Variants in NFAT5 observed in about 807,000 individuals in gnomAD.
The protein encoded by NFAT5 is nuclear factor of activated T cells 5.
A neutral mutation model predicts 166.5 loss-of-function variants in NFAT5; 31 were observed. The ratio of observed to expected loss-of-function variants is 0.19; its 90% CI spans 0.14 to 0.25. The LOEUF is 0.25. NFAT5 is among the 10% of genes least tolerant of loss of function. The probability of loss-of-function intolerance (pLI) is 1.00; values close to 1 mark genes in which losing one functional copy is unlikely to be tolerated. For missense variants in NFAT5, 1,449 were observed against 1,821.8 expected, an observed-to-expected ratio of 0.80 and a Z score of 3.72; for synonymous variants, 612 against 639.7, an observed-to-expected ratio of 0.96 and a Z score of 0.65.
intron 2 of NFAT5, among the ~76,000 whole-genome samples, chr16:69,588,501 G>A (rs987029635): frequency 7.2e-6 from 1 of 139,500 alleles, no homozygotes; most frequent in Non-Finnish European, 1.5e-5. Context: ...CTGAGTAATT[G>A]TGTTCTCACC....
At chr16:69,667,332 A>G (rs1468331660) in intron 7 of NFAT5, among the ~76,000 whole-genome samples, 1 of 151,972 alleles carries the variant, frequency 6.6e-6, no homozygotes, top group African/African-American at 2.4e-5. Flanking sequence ...ATAATAATAC[A>G]TTTAAAAAAA....
At chr16:69,585,181 T>TG (rs990341484) in intron 2 of NFAT5, among the ~76,000 whole-genome samples, 4 of 151,544 alleles carry the variant, frequency 2.6e-5, no homozygotes, top group Non-Finnish European at 4.4e-5. Context: ...TTATTTTTTT[T>TG]TGTATTTTTA....
At chr16:69,600,473 A>T (rs1262881020) in intron 2 of NFAT5, among the ~76,000 whole-genome samples, 1 of 152,118 alleles carries the variant, frequency 6.6e-6, no homozygotes. Flanking sequence ...ATATAAGAAT[A>T]GGAATCTTGT....
chr16:69,566,049 C>T lies in NFAT5; in HGVS notation c.-253C>T, dbSNP rs985940180. ...CACGAAACGGACCCTTTGGCTCTCC[C>T]CCTTCCCCTTCCCCGTCCTGAACCC... On this transcript the variant is annotated 5_prime_UTR_variant, in exon 1 of 15. Transcript: ENST00000349945. This position sits in a 1 kb window ranked among gnomAD's most constrained non-coding sequence, Gnocchi z 5.7. 11 of 516,780 alleles carry T rather than the reference C, an allele frequency of 2.1e-5. No individual in the cohort carries two copies. The highest frequency in any genetic ancestry group is 3.4e-5 in the Non-Finnish European group (10 of 294,288). The allele number at this position is 516,780 out of a possible 1,614,324, so 32.0% of individuals were successfully genotyped here. A position where few individuals can be genotyped will look rare whatever the true frequency, so the allele number is the denominator to read the frequency against.
At chr16:69,684,849 GT>G (rs752940723) in intron 10 of NFAT5, 37 bp from the exon 11 acceptor site, 1 of 1,386,564 alleles carries the variant, frequency 7.2e-7, no homozygotes, top group South Asian at 1.3e-5. Context: ...TTTAGGATGA[GT>G]AAATGTAGAT....
At chr16:69,615,706 T>G (rs1389054547) in intron 2 of NFAT5, among the ~76,000 whole-genome samples, 1 of 152,202 alleles carries the variant, frequency 6.6e-6, no homozygotes, top group Non-Finnish European at 1.5e-5. Context: ...ACTCACTGTT[T>G]GACAAACTTG....
At chr16:69,683,000 T>A (rs1391034136) in intron 10 of NFAT5, among the ~76,000 whole-genome samples, 2 of 152,032 alleles carry the variant, frequency 1.3e-5, no homozygotes, top group East Asian at 3.9e-4. Flanking sequence ...TCACCTGAGG[T>A]CAGAAGTTAG....
intron 2 of NFAT5, 69 bp from the exon 3 acceptor site, chr16:69,626,334 T>A (rs1335223729): frequency 7.3e-7 from 1 of 1,373,632 alleles, no homozygotes; most frequent in East Asian, 2.5e-5. Context: ...ATACTCATTT[T>A]GTGCATATTA....
intron 2 of NFAT5, among the ~76,000 whole-genome samples, chr16:69,613,410 G>T (rs1324913409): frequency 6.6e-6 from 1 of 152,120 alleles, no homozygotes; most frequent in Non-Finnish European, 1.5e-5. Context: ...CTCCCTGTGT[G>T]CTGAGGGATA....
intron 2 of NFAT5, among the ~76,000 whole-genome samples, chr16:69,593,329 C>CT (rs963968054): frequency 9.2e-5 from 14 of 151,972 alleles, no homozygotes; most frequent in Non-Finnish European, 1.9e-4. Flanking sequence ...ACAGTTACTT[C>CT]TTTTTTAAAA....
At chr16:69,580,509 C>T (rs1470896255) in intron 2 of NFAT5, among the ~76,000 whole-genome samples, 3 of 144,646 alleles carry the variant, frequency 2.1e-5, no homozygotes, top group South Asian at 4.5e-4. Context: ...CTAGCCTGGG[C>T]GACAAGAGCG....
At chr16:69,652,564 A>G (rs1180169513) in intron 4 of NFAT5, among the ~76,000 whole-genome samples, 1 of 152,174 alleles carries the variant, frequency 6.6e-6, no homozygotes, top group Non-Finnish European at 1.5e-5. Flanking sequence ...AATCTGAAAA[A>G]TCACACTCCT....
At chr16:69,667,887 T>C (rs1488442611) in intron 7 of NFAT5, among the ~76,000 whole-genome samples, 1 of 152,236 alleles carries the variant, frequency 6.6e-6, no homozygotes, top group African/African-American at 2.4e-5. Context: ...TGTCAGTGTA[T>C]GACCAATAAC....
intron 7 of NFAT5, among the ~76,000 whole-genome samples, chr16:69,669,008 T>C (rs1276531196): frequency 2.0e-5 from 3 of 151,888 alleles, no homozygotes; most frequent in Non-Finnish European, 2.9e-5. Context: ...ATCCTCCCAC[T>C]CCAGCCTCCT....
intron 3 of NFAT5, among the ~76,000 whole-genome samples, chr16:69,644,177 C>G (rs969007935): frequency 6.6e-6 from 1 of 151,574 alleles, no homozygotes; most frequent in Non-Finnish European, 1.5e-5. Context: ...CTCAGTTACT[C>G]GGGAAGCTGA....
Position 69,566,506 on chromosome 16 carries a change from G to A in NFAT5, c.73+132G>A. On this transcript the variant is annotated intron_variant, in intron 1 of 14. Transcript: ENST00000349945. The surrounding 1 kb of genome is among the most constrained non-coding windows in gnomAD (Gnocchi z 5.7). ...CGCGACCCCCATGGCTTCTTTGGCC[G>A]GAGCGGGCAGAGGCCGAAGGGATCG... is the stretch of plus-strand genomic sequence containing the variant. 2.5e-6 allele frequency: 2 copies of A among 789,596 alleles called. No homozygotes were observed. Among genetic ancestry groups the A allele is most frequent in the Non-Finnish European group, 4.2e-6 (2 of 472,038 alleles). 48.9% of individuals were successfully genotyped at this position (789,596 alleles called of 1,614,324 possible).
At chr16:69,666,603 A>T (rs1398475942) in intron 7 of NFAT5, among the ~76,000 whole-genome samples, 1 of 152,220 alleles carries the variant, frequency 6.6e-6, no homozygotes, top group Non-Finnish European at 1.5e-5. Flanking sequence ...AGAGAAATAC[A>T]AATCAAAACC....
At chr16:69,570,905 G>T (rs911913881) in intron 2 of NFAT5, among the ~76,000 whole-genome samples, 5 of 152,046 alleles carry the variant, frequency 3.3e-5, no homozygotes, top group African/African-American at 9.7e-5. Flanking sequence ...AGGTTTTTGT[G>T]AAGATTATTT....
rs551445556 is a variant in NFAT5 at position 69,667,337 on chromosome 16, A to T, written c.1370-2640A>T. On this transcript the variant is annotated intron_variant, in intron 7 of 14. Coordinates refer to ENST00000349945, the MANE Select transcript of NFAT5 (RefSeq NM_138713.4). ...TAAAAGTATAATAATAATACATTTA[A>T]AAAAAAAACTTTACAAGAATAGTAA... Among the ~76,000 whole-genome samples, 145 of 151,546 alleles carry T rather than the reference A, an allele frequency of 9.6e-4. 2 individuals are homozygous for T. The highest frequency in any genetic ancestry group is 9.3e-3 in the Admixed American group (142 of 15,216).
Sources: allele counts gnomAD v4.1 joint callset (sites outside exome capture counted in the v4.1 genomes callset), GRCh38; gene constraint gnomAD v4.1.1; non-coding constraint Gnocchi (gnomAD v3.1); transcripts MANE v1.5; gene names NCBI Gene and HGNC (gene_info 2026-07-23, HGNC 2026-07-21).